The following CHODL variants were observed in gnomAD, a reference collection of about 807,000 sequenced individuals.
The protein encoded by CHODL is transmembrane protein MT75.
CHODL carries 29 observed loss-of-function variants against 34.5 expected under a neutral mutation model. The observed-to-expected ratio is 0.84, with a 90% CI of 0.63 to 1.15. The LOEUF is 1.15. Ranked by LOEUF, CHODL falls within the 50% of genes most tolerant of loss-of-function variation. The pLI is 0.00. For missense variants in CHODL, 332 were observed against 332.5 expected (o/e 1.00, Z 0.01); for synonymous variants, 125 against 116.1 (o/e 1.08, Z -0.49).
At chr21:18,216,493 T>TC (rs2146731300) in intron 2 of CHODL, among the ~76,000 whole-genome samples, 1 of 152,290 alleles carries the variant, frequency 6.6e-6, no homozygotes, top group Admixed American at 6.5e-5. Context: ...TCTAGGAGAT[T>TC]CATTTTTTTA....
At chr21:18,195,113 G>A (rs974022118) in intron 2 of CHODL, among the ~76,000 whole-genome samples, 1 of 151,474 alleles carries the variant, frequency 6.6e-6, no homozygotes, top group Admixed American at 6.6e-5. Flanking sequence ...GGAGTGCAGT[G>A]GTGTGATCTC....
intron 2 of CHODL, among the ~76,000 whole-genome samples, chr21:18,062,282 A>G (rs2064676621): frequency 6.6e-6 from 1 of 152,098 alleles, no homozygotes; most frequent in Non-Finnish European, 1.5e-5. Flanking sequence ...ATCTCAGCTC[A>G]CTGCAACCTC....
chr21:18,155,567 A>G (rs372634313), intron 2 of CHODL, among the ~76,000 whole-genome samples: 24 of 152,366 alleles, frequency 1.6e-4, no homozygotes, highest in East Asian at 1.4e-3. Context: ...TCCAAGAAGA[A>G]TGTGAATTCA....
chr21:17,932,714 A>C (rs1354096933), intron 1 of CHODL, among the ~76,000 whole-genome samples: 1 of 152,192 alleles, frequency 6.6e-6, no homozygotes, highest in Non-Finnish European at 1.5e-5. Flanking sequence ...TGGAAAATCA[A>C]ATACTGAAGG....
intron 1 of CHODL, among the ~76,000 whole-genome samples, chr21:17,998,140 C>T (rs553184807): frequency 3.0e-4 from 45 of 152,150 alleles, no homozygotes; most frequent in Middle Eastern, 6.8e-3. Flanking sequence ...AGAAATTGGC[C>T]AAAGCAAAGT....
At chr21:18,082,657 C>T (rs2064956470) in intron 2 of CHODL, among the ~76,000 whole-genome samples, 1 of 152,146 alleles carries the variant, frequency 6.6e-6, no homozygotes, top group South Asian at 2.1e-4. Flanking sequence ...AAAGGTCACT[C>T]TTGCTATGCT....
intron 2 of CHODL, among the ~76,000 whole-genome samples, chr21:18,042,148 ACT>A (rs1392358565): frequency 1.3e-5 from 2 of 151,778 alleles, no homozygotes; most frequent in Non-Finnish European, 2.9e-5. Context: ...CACTGAAAAG[ACT>A]CTGGGAATAT....
chr21:18,094,135 T>C (rs1429364663), intron 2 of CHODL, among the ~76,000 whole-genome samples: 2 of 152,156 alleles, frequency 1.3e-5, no homozygotes, highest in Non-Finnish European at 2.9e-5. Flanking sequence ...AAGGTCACTA[T>C]ATAATGATAA....
In CHODL at chr21:17,955,964, C is replaced by A. The variant is rs2146346334; in HGVS notation, c.-145+38564C>A. Among the ~76,000 whole-genome samples, 2 of 136,638 alleles carry A rather than the reference C, an allele frequency of 1.5e-5. 1 individual carries two copies. Among genetic ancestry groups the A allele is most frequent in the Non-Finnish European group, 3.3e-5 (2 of 60,040 alleles). 89.6% of individuals were successfully genotyped at this position (136,638 alleles called of 152,430 possible). ...ATCTGTTTGACTGAATGCCTTGATC[C>A]CGGAAGAAAAAGATTTTGAGGAGTT... is the stretch of plus-strand genomic sequence containing the variant. On this transcript the variant is annotated intron_variant, in intron 1 of 6. Transcript: ENST00000400127.
chr21:18,198,853 C>T (rs573791927), intron 2 of CHODL, among the ~76,000 whole-genome samples: 1 of 151,994 alleles, frequency 6.6e-6, no homozygotes, highest in African/African-American at 2.4e-5. Flanking sequence ...GAGTGGAAAT[C>T]AAAAATTAAG....
chr21:17,964,243 G>A (rs2146355173), intron 1 of CHODL, among the ~76,000 whole-genome samples: 1 of 152,232 alleles, frequency 6.6e-6, no homozygotes, highest in South Asian at 2.1e-4. Context: ...ACATGTGAAT[G>A]ACCCACAAAA....
chr21:18,010,864 T>TA (rs1478478515), intron 1 of CHODL, among the ~76,000 whole-genome samples: 1 of 152,208 alleles, frequency 6.6e-6, no homozygotes, highest in Non-Finnish European at 1.5e-5. Context: ...TTAAGCAAGG[T>TA]AAAATGTAAA....
rs537414940 is a variant in CHODL, at chr21:18,014,660, A to C, written c.-144-13212A>C. ...TCACAAGATCTGGTCATTTTGAAGC[A>C]GTGGCACCTTCACCTCTACTCTCTC... On this transcript the variant is annotated intron_variant, in intron 1 of 6. Transcript: ENST00000400127. 1.4e-4 allele frequency among the ~76,000 whole-genome samples: 21 copies of C among 152,266 alleles called. No individual in the cohort carries two copies. In the East Asian group the frequency reaches 2.5e-3, roughly 18 times the overall value.
At chr21:18,078,301 A>G (rs1310567349) in intron 2 of CHODL, among the ~76,000 whole-genome samples, 1 of 152,148 alleles carries the variant, frequency 6.6e-6, no homozygotes, top group African/African-American at 2.4e-5. Flanking sequence ...AGCAGGCAAG[A>G]AAGTGTGTGC....
intron 2 of CHODL, among the ~76,000 whole-genome samples, chr21:18,071,364 C>CT (rs925632915): frequency 6.6e-6 from 1 of 151,942 alleles, no homozygotes; most frequent in Non-Finnish European, 1.5e-5. Context: ...CCAGGCTGGT[C>CT]TCGAACCCCT....
At chr21:18,095,178 G>T (rs1056292479) in intron 2 of CHODL, among the ~76,000 whole-genome samples, 1 of 151,668 alleles carries the variant, frequency 6.6e-6, no homozygotes, top group Non-Finnish European at 1.5e-5. Context: ...AAATAAATTT[G>T]AAATGAAGAA....
At chr21:18,204,261 C>T (rs143599176) in intron 2 of CHODL, among the ~76,000 whole-genome samples, 64 of 152,222 alleles carry the variant, frequency 4.2e-4, no homozygotes, top group African/African-American at 1.3e-3. Flanking sequence ...ACCTTAAATA[C>T]ATCAGCTTAT....
chr21:18,064,083 G>T (rs2064702097), intron 2 of CHODL, among the ~76,000 whole-genome samples: 1 of 152,082 alleles, frequency 6.6e-6, no homozygotes, highest in Non-Finnish European at 1.5e-5. Flanking sequence ...CCTCACTTGG[G>T]TCAGAGGTTC....
intron 2 of CHODL, among the ~76,000 whole-genome samples, chr21:18,090,153 T>C (rs2065054571): frequency 6.6e-6 from 1 of 152,238 alleles, no homozygotes; most frequent in Non-Finnish European, 1.5e-5. Flanking sequence ...GAGCATAGAA[T>C]GGCTAGAAGC....
Sources: gnomAD v4.1 joint callset for allele counts (sites outside exome capture counted in the v4.1 genomes callset) on GRCh38, gnomAD v4.1.1 for gene constraint, MANE v1.5 for transcripts, NCBI Gene and HGNC (gene_info 2026-07-23, HGNC 2026-07-21) for gene names.